Variants in DHRS9 observed in about 807,000 individuals in gnomAD.
DHRS9 encodes dehydrogenase/reductase 9.
DHRS9 carries 18 observed loss-of-function variants against 26.6 expected under a neutral mutation model. The ratio of observed to expected loss-of-function variants is 0.68; its 90% CI spans 0.47 to 1.00. The LOEUF is 1.00. Among genes scored for constraint, DHRS9 ranks in the 50% least tolerant of loss-of-function variants. The probability of loss-of-function intolerance (pLI) is 0.00; values close to 1 mark genes in which losing one functional copy is unlikely to be tolerated. For synonymous variants in DHRS9, 134 were observed against 141.1 expected (o/e 0.95, Z 0.36); for missense variants, 425 against 378.7 (o/e 1.12, Z -1.01).
At chr2:169,080,046 A>AAAGAAAGG (rs1558951714) in intron 1 of DHRS9, among the ~76,000 whole-genome samples, 1 of 140,720 alleles carries the variant, frequency 7.1e-6, no homozygotes, top group Non-Finnish European at 1.6e-5. Context: ...AGAAAGAAAG[A>AAAGAAAGG]AAGAAAATAA....
chr2:169,072,012 T>G (rs1158333160), intron 1 of DHRS9, among the ~76,000 whole-genome samples: 1 of 151,820 alleles, frequency 6.6e-6, no homozygotes, highest in Non-Finnish European at 1.5e-5. Flanking sequence ...ACCTGGGTTT[T>G]TTTTTTTTTT....
intron 4 of DHRS9, among the ~76,000 whole-genome samples, chr2:169,094,851 G>A (rs1437546944): frequency 6.6e-6 from 1 of 152,044 alleles, no homozygotes; most frequent in African/African-American, 2.4e-5. Flanking sequence ...CTAATCCCTT[G>A]TAAAATCCCT....
rs1374718585 is a variant in DHRS9 at position 169,083,352 on chromosome 2, G to A, written c.337G>A (p.Ala113Thr). 6.2e-7 allele frequency: 1 copy of A among 1,614,060 alleles called. No homozygotes were observed. Among genetic ancestry groups the A allele is most frequent in the Non-Finnish European group, 8.5e-7 (1 of 1,179,974 alleles). ...EKGLWGLINN[A>T]GVPGVLAPTD... is the part of the protein sequence containing the mutation. ...AGGTCTCTGGGGTCTGATCAATAAT[G>A]CTGGTGTTCCCGGCGTGCTGGCTCC... The change falls in exon 3 of 5, where the codon GCT becomes ACT. Residue 113 changes from alanine (A) to threonine (T), a missense_variant. Ala to Thr is a moderately conservative substitution (Grantham distance 58, BLOSUM62 0). Transcript: ENST00000674881.
At chr2:169,069,498 T>C (rs1558947961), upstream of DHRS9, 4 of 985,442 alleles carry the variant, frequency 4.1e-6, no homozygotes, top group Non-Finnish European at 4.8e-6. Context: ...AGTCATCACG[T>C]TGTGTCACAA....
chr2:169,071,058 C>T (rs1287979708), intron 1 of DHRS9, among the ~76,000 whole-genome samples: 4 of 149,674 alleles, frequency 2.7e-5, no homozygotes, highest in Admixed American at 1.3e-4. Context: ...AGCGAGACTC[C>T]GTCTCAAAAA....
intron 1 of DHRS9, among the ~76,000 whole-genome samples, chr2:169,079,580 G>A (rs902682421): frequency 5.9e-5 from 9 of 152,036 alleles, no homozygotes; most frequent in African/African-American, 1.7e-4. Flanking sequence ...CAGGCTGGGC[G>A]TGGTGGCTCA....
chr2:169,083,632 G>T (rs72623188), intron 3 of DHRS9, 45 bp downstream of exon 3: 9 of 1,597,684 alleles, frequency 5.6e-6, no homozygotes, highest in Middle Eastern at 1.7e-4. Context: ...AGCTGCAAAC[G>T]TTTACTGAAT....
At chr2:169,088,300 C>T (rs1684415441) in intron 3 of DHRS9, among the ~76,000 whole-genome samples, 1 of 152,188 alleles carries the variant, frequency 6.6e-6, no homozygotes, top group Non-Finnish European at 1.5e-5. Flanking sequence ...GTCCCACAAT[C>T]ACTGTGCTCT....
chr2:169,087,637 C>A (rs1296515475), intron 3 of DHRS9, among the ~76,000 whole-genome samples: 1 of 151,408 alleles, frequency 6.6e-6, no homozygotes, highest in African/African-American at 2.4e-5. Flanking sequence ...TCACCCAAGG[C>A]CCATGGTGAG....
chr2:169,077,753 C>A (rs78613323), intron 1 of DHRS9, among the ~76,000 whole-genome samples: 8,970 of 152,222 alleles, frequency 0.059, 317 homozygotes, highest in Middle Eastern at 0.1. Context: ...GAATTCAATC[C>A]CTTAGGGGCT....
intron 1 of DHRS9, among the ~76,000 whole-genome samples, chr2:169,078,557 G>A (rs1684035291): frequency 2.6e-5 from 4 of 152,142 alleles, no homozygotes. Flanking sequence ...TTTTGCAAGA[G>A]TTAGTTATAC....
At chr2:169,079,142 C>T (rs899256867) in intron 1 of DHRS9, among the ~76,000 whole-genome samples, 5 of 151,882 alleles carry the variant, frequency 3.3e-5, no homozygotes, top group East Asian at 1.9e-4. Flanking sequence ...CCACCAGGCC[C>T]GGCTGAACTG....
chr2:169,094,241 A>C (rs1210250944), intron 4 of DHRS9, among the ~76,000 whole-genome samples: 1 of 152,152 alleles, frequency 6.6e-6, no homozygotes. Context: ...TTTTGAGAAA[A>C]GTCTGTTCAG....
At chr2:169,067,405 G>A (rs1683675716), upstream of DHRS9, 1 of 1,334,786 alleles carries the variant, frequency 7.5e-7, no homozygotes, top group Non-Finnish European at 9.9e-7. Context: ...TTATGTTTTG[G>A]TATTTGGAAA....
chr2:169,085,386 A>G (rs928256535), intron 3 of DHRS9, among the ~76,000 whole-genome samples: 1 of 152,218 alleles, frequency 6.6e-6, no homozygotes, highest in East Asian at 1.9e-4. Flanking sequence ...TGGTATTTTG[A>G]TAGGAATTGC....
At chr2:169,092,415 G>C (rs1179082848) in intron 4 of DHRS9, among the ~76,000 whole-genome samples, 1 of 152,236 alleles carries the variant, frequency 6.6e-6, no homozygotes, top group Non-Finnish European at 1.5e-5. Flanking sequence ...TTCAGCCTCT[G>C]ACCTTTAGTT....
chr2:169,077,462 T>A (rs1198508933), intron 1 of DHRS9, among the ~76,000 whole-genome samples: 1 of 152,220 alleles, frequency 6.6e-6, no homozygotes, highest in Non-Finnish European at 1.5e-5. Flanking sequence ...TTAATCATAT[T>A]TTGAGATAAT....
intron 1 of DHRS9, chr2:169,070,799 T>A: frequency 1.0e-6 from 1 of 978,446 alleles, no homozygotes. Context: ...GCGCGGTGGC[T>A]CATGCCTGTA....
At chr2:169,088,280 C>T (rs1223546367) in intron 3 of DHRS9, among the ~76,000 whole-genome samples, 1 of 152,142 alleles carries the variant, frequency 6.6e-6, no homozygotes, top group Admixed American at 6.5e-5. Flanking sequence ...GCACTGAGTT[C>T]CAATGCAAAG....
Sources: gnomAD v4.1 joint callset for allele counts (sites outside exome capture counted in the v4.1 genomes callset) on GRCh38, gnomAD v4.1.1 for gene constraint, MANE v1.5 for transcripts, NCBI Gene and HGNC (gene_info 2026-07-23, HGNC 2026-07-21) for gene names.